The following PTPRK variants were observed in gnomAD, a reference collection of about 807,000 sequenced individuals.
The protein encoded by PTPRK is protein tyrosine phosphatase receptor type K.
PTPRK carries 75 observed loss-of-function variants against 178.0 expected under a neutral mutation model. That is an observed-to-expected ratio of 0.42 (90% CI 0.35 to 0.51). The LOEUF (loss-of-function observed/expected upper bound fraction) is 0.51, where lower values mean the gene tolerates loss of function less well. Ranked by LOEUF, PTPRK falls within the 20% of genes least tolerant of loss-of-function variation. The pLI, the probability that PTPRK is intolerant of heterozygous loss-of-function variation, is 0.02. For missense variants in PTPRK, 1,441 were observed against 1,797.8 expected (o/e 0.80, Z 3.59); for synonymous variants, 637 against 620.6 (o/e 1.03, Z -0.39).
At chr6:128,240,989 C>T (rs183834808) in intron 4 of PTPRK, among the ~76,000 whole-genome samples, 2 of 152,288 alleles carry the variant, frequency 1.3e-5, no homozygotes, top group Admixed American at 1.3e-4. Context: ...GTGCTCAATC[C>T]ACCATTTTCT....
chr6:128,200,854 A>C (rs1583454088), intron 6 of PTPRK, among the ~76,000 whole-genome samples: 1 of 109,206 alleles, frequency 9.2e-6, no homozygotes, highest in Non-Finnish European at 1.9e-5. Context: ...GGAGGGGGGG[A>C]GGAGGAGGGG....
intron 1 of PTPRK, among the ~76,000 whole-genome samples, chr6:128,460,811 A>G (rs1166790413): frequency 6.6e-6 from 1 of 152,194 alleles, no homozygotes; most frequent in Non-Finnish European, 1.5e-5. Context: ...TCATTTCTCC[A>G]CTATTTGCTT....
At chr6:128,204,868 A>T (rs1440523576) in intron 6 of PTPRK, among the ~76,000 whole-genome samples, 1 of 152,148 alleles carries the variant, frequency 6.6e-6, no homozygotes, top group Non-Finnish European at 1.5e-5. Context: ...TTCCTCAGAG[A>T]CCTAGAGGCA....
At chr6:128,486,847 A>T (rs1852992967) in intron 1 of PTPRK, among the ~76,000 whole-genome samples, 1 of 149,080 alleles carries the variant, frequency 6.7e-6, no homozygotes, top group Admixed American at 6.6e-5. Flanking sequence ...GAAGAAAGGA[A>T]AAAAATAAAA....
intron 15 of PTPRK, among the ~76,000 whole-genome samples, chr6:128,002,219 A>T (rs1777908339): frequency 6.6e-6 from 1 of 151,794 alleles, no homozygotes; most frequent in African/African-American, 2.4e-5. Flanking sequence ...TATTTTAAAA[A>T]TGCAATTGAA....
At chr6:128,085,311 C>A (rs1323400931) in intron 8 of PTPRK, 1 of 152,212 alleles carries the variant, frequency 6.6e-6, no homozygotes, top group African/African-American at 2.4e-5. Context: ...AGTGAGAGCC[C>A]CTCTGCACAT....
At chr6:128,009,321 A>G in intron 13 of PTPRK, 53 bp from the exon 14 acceptor site, 1 of 1,549,186 alleles carries the variant, frequency 6.5e-7, no homozygotes, top group Non-Finnish European at 8.8e-7. Flanking sequence ...TAATCACAGA[A>G]AAAAATTATT....
intron 2 of PTPRK, among the ~76,000 whole-genome samples, chr6:128,360,375 C>T (rs527829812): frequency 5.8e-4 from 88 of 152,100 alleles, no homozygotes; most frequent in Non-Finnish European, 1.1e-3. Context: ...AATCATGGGC[C>T]AGTAAGGGGC....
intron 13 of PTPRK, among the ~76,000 whole-genome samples, chr6:128,043,079 C>A (rs1777463926): frequency 6.6e-6 from 1 of 152,002 alleles, no homozygotes; most frequent in African/African-American, 2.4e-5. Flanking sequence ...TTATAAAATT[C>A]TCCCTAATAA....
At chr6:128,508,956 AAAAGAAAAG>A (rs1455226801) in intron 1 of PTPRK, among the ~76,000 whole-genome samples, 4 of 146,446 alleles carry the variant, frequency 2.7e-5, no homozygotes, top group Admixed American at 6.6e-5. Flanking sequence ...TCAAAAAAAA[AAAAGAAAAG>A]AAAAGAAAAG....
intron 10 of PTPRK, among the ~76,000 whole-genome samples, chr6:128,081,514 A>C (rs1444237697): frequency 6.6e-6 from 1 of 152,014 alleles, no homozygotes; most frequent in Non-Finnish European, 1.5e-5. Context: ...AGATTAAAAA[A>C]ATGAAAGACA....
At chr6:128,474,765 G>C (rs764815063) in intron 1 of PTPRK, among the ~76,000 whole-genome samples, 2 of 152,080 alleles carry the variant, frequency 1.3e-5, no homozygotes, top group Non-Finnish European at 2.9e-5. Flanking sequence ...AAAAGATGCT[G>C]CTAAAAGGAA....
At chr6:128,251,927 G>A (rs142867688) in intron 3 of PTPRK, among the ~76,000 whole-genome samples, 1 of 152,162 alleles carries the variant, frequency 6.6e-6, no homozygotes, top group East Asian at 1.9e-4. Context: ...ATGACATCAG[G>A]TATAACCAGA....
intron 8 of PTPRK, among the ~76,000 whole-genome samples, chr6:128,088,035 T>C (rs1415140445): frequency 1.3e-5 from 2 of 152,164 alleles, no homozygotes; most frequent in Non-Finnish European, 2.9e-5. Flanking sequence ...TTAAGGGAAC[T>C]TGGGAATACG....
At chr6:128,180,779 A>G in intron 7 of PTPRK, among the ~76,000 whole-genome samples, 1 of 152,152 alleles carries the variant, frequency 6.6e-6, no homozygotes, top group East Asian at 1.9e-4. Context: ...TTCTCAGAGA[A>G]TAAGTTAGCC....
At chr6:128,087,703 G>T (rs1786146074) in intron 8 of PTPRK, among the ~76,000 whole-genome samples, 1 of 152,040 alleles carries the variant, frequency 6.6e-6, no homozygotes, top group African/African-American at 2.4e-5. Context: ...CCTCAAACAT[G>T]ACAAAAGCAC....
At chr6:128,432,820 T>A in intron 1 of PTPRK, among the ~76,000 whole-genome samples, 1 of 152,116 alleles carries the variant, frequency 6.6e-6, no homozygotes. Context: ...ATTTTTATTA[T>A]TAATTTTTAT....
intron 15 of PTPRK, 134 bp from the exon 16 acceptor site, chr6:127,999,038 A>T: frequency 1.3e-6 from 1 of 771,742 alleles, no homozygotes; most frequent in Non-Finnish European, 2.0e-6. Flanking sequence ...AAGAAATATC[A>T]TACAGTATAG....
At chr6:128,444,376 T>G (rs1293700968) in intron 1 of PTPRK, among the ~76,000 whole-genome samples, 2 of 152,188 alleles carry the variant, frequency 1.3e-5, no homozygotes, top group Admixed American at 1.3e-4. Context: ...CTGTTAGGTC[T>G]GTTTAACCAG....
Sources: allele counts gnomAD v4.1 joint callset (sites outside exome capture counted in the v4.1 genomes callset), GRCh38; gene constraint gnomAD v4.1.1; transcripts MANE v1.5; gene names NCBI Gene and HGNC (gene_info 2026-07-23, HGNC 2026-07-21).